DCC: variants seen among roughly 807,000 people sequenced by gnomAD.
DCC encodes netrin receptor DCC.
DCC carries 58 observed loss-of-function variants against 172.5 expected under a neutral mutation model. The ratio of observed to expected loss-of-function variants is 0.34; its 90% CI spans 0.27 to 0.42. The LOEUF (loss-of-function observed/expected upper bound fraction) is 0.42. DCC is among the 10% of genes least tolerant of loss of function. The pLI is 1.00. For missense variants in DCC, 1,740 were observed against 1,791.0 expected, an observed-to-expected ratio of 0.97 and a Z score of 0.51; for synonymous variants, 709 against 644.5, an observed-to-expected ratio of 1.10 and a Z score of -1.52.
chr18:52,754,896 A>G (rs1364311629), intron 2 of DCC, among the ~76,000 whole-genome samples: 1 of 152,024 alleles, frequency 6.6e-6, no homozygotes, highest in South Asian at 2.1e-4. Flanking sequence ...GATGCAGAAA[A>G]CCCCCTCTAC....
intron 7 of DCC, among the ~76,000 whole-genome samples, chr18:53,129,515 G>T (rs1265420527): frequency 6.6e-6 from 1 of 151,920 alleles, no homozygotes; most frequent in African/African-American, 2.4e-5. Context: ...ATACACCATT[G>T]TCTGATTTCT....
At chr18:52,657,165 G>A (rs2144938805) in intron 1 of DCC, among the ~76,000 whole-genome samples, 1 of 152,272 alleles carries the variant, frequency 6.6e-6, no homozygotes, top group East Asian at 1.9e-4. Context: ...TCTAAGCTCC[G>A]CACTTGATTC....
At chr18:53,515,367 C>G (rs894103508) in intron 27 of DCC, among the ~76,000 whole-genome samples, 2 of 150,774 alleles carry the variant, frequency 1.3e-5, no homozygotes, top group Non-Finnish European at 3.0e-5. Flanking sequence ...AAACTGGAAG[C>G]ATTCCCTTTG....
intron 7 of DCC, among the ~76,000 whole-genome samples, chr18:53,146,723 A>C (rs1024540154): frequency 9.2e-5 from 14 of 152,348 alleles, no homozygotes; most frequent in Middle Eastern, 3.4e-3. Context: ...ATTAGTGAAC[A>C]TAGGAATACC....
chr18:53,278,158 T>C (rs952770528), intron 12 of DCC, among the ~76,000 whole-genome samples: 4 of 152,130 alleles, frequency 2.6e-5, no homozygotes, highest in Non-Finnish European at 5.9e-5. Context: ...AGTATAAATT[T>C]GGCACAGTGT....
At chr18:52,757,495 C>G (rs1438720288) in intron 2 of DCC, among the ~76,000 whole-genome samples, 1 of 152,092 alleles carries the variant, frequency 6.6e-6, no homozygotes, top group African/African-American at 2.4e-5. Flanking sequence ...TTCCCCACAC[C>G]TACCCACCCA....
At chr18:53,525,892 T>TAAG (rs1227156133) in intron 27 of DCC, among the ~76,000 whole-genome samples, 8 of 152,106 alleles carry the variant, frequency 5.3e-5, no homozygotes, top group Admixed American at 3.9e-4. Flanking sequence ...TTTTCAGCTA[T>TAAG]AAGGTCAAGG....
intron 7 of DCC, among the ~76,000 whole-genome samples, chr18:53,087,257 G>A (rs1283557247): frequency 6.6e-6 from 1 of 151,624 alleles, no homozygotes; most frequent in African/African-American, 2.4e-5. Flanking sequence ...ATCCTCTCCA[G>A]CACCTGTTGT....
intron 7 of DCC, 102 bp from the exon 8 acceptor site, chr18:53,157,254 C>A: frequency 7.3e-7 from 1 of 1,379,268 alleles, no homozygotes; most frequent in Admixed American, 1.7e-5. Context: ...ATCAAGGTGA[C>A]TATGACATGG....
intron 3 of DCC, 76 bp from the exon 4 acceptor site, chr18:52,923,631 G>GA (rs548026342): frequency 5.8e-6 from 7 of 1,207,862 alleles, no homozygotes; most frequent in African/African-American, 1.5e-5. Context: ...CTTTTGTTAG[G>GA]AAAAAAATCA....
rs138884915 is a variant in DCC at position 52,848,676 on chromosome 18, A to G, written c.413-57368A>G. 4.6e-3 allele frequency among the ~76,000 whole-genome samples: 705 copies of G among 152,266 alleles called. 2 individuals carry two copies. The highest frequency in any genetic ancestry group is 0.016 in the African/African-American group (674 of 41,552). On this transcript the variant is annotated intron_variant, in intron 2 of 28. Transcript: ENST00000442544. ...TTATCCTGTCTTATTGATTGTAGTC[A>G]GGCTCTGACTTTACTAATATTTTTT...
At chr18:53,313,777 G>T (rs1310420658) in intron 13 of DCC, among the ~76,000 whole-genome samples, 1 of 152,084 alleles carries the variant, frequency 6.6e-6, no homozygotes, top group Non-Finnish European at 1.5e-5. Context: ...AGGGCATGTG[G>T]GCCTTTGAAG....
In DCC at chr18:53,063,593, A is replaced by G. The variant is rs896748414; in HGVS notation, c.1140+134A>G. ...GTGATGTGTTAAAAAAGTTATTCAA[A>G]TAAAGCAAATGATTTTCTAGACATA... is the stretch of plus-strand genomic sequence containing the variant. On this transcript the variant is annotated intron_variant, in intron 6 of 28. Coordinates refer to ENST00000442544, the MANE Select transcript of DCC (RefSeq NM_005215.4). 12 of 689,520 alleles carry G rather than the reference A, an allele frequency of 1.7e-5. No individual in the cohort carries two copies. The African/African-American group carries it at 2.0e-4, about 11-fold the overall frequency. 42.7% of individuals were successfully genotyped at this position (689,520 alleles called of 1,614,324 possible).
intron 7 of DCC, among the ~76,000 whole-genome samples, chr18:53,088,471 T>A (rs2042952357): frequency 1.3e-5 from 2 of 152,222 alleles, no homozygotes; most frequent in Non-Finnish European, 2.9e-5. Flanking sequence ...GAGACTTTGC[T>A]GAAGTTGCTT....
At chr18:52,498,257 T>C (rs1441905487) in intron 1 of DCC, among the ~76,000 whole-genome samples, 1 of 152,176 alleles carries the variant, frequency 6.6e-6, no homozygotes, top group African/African-American at 2.4e-5. Context: ...TTGACCTTTC[T>C]TGGGTTGCCC....
At chr18:52,650,879 T>C (rs1044437582) in intron 1 of DCC, among the ~76,000 whole-genome samples, 1 of 152,236 alleles carries the variant, frequency 6.6e-6, no homozygotes, top group African/African-American at 2.4e-5. Context: ...AAATAGAAGA[T>C]ATCTCTTATT....
At chr18:53,290,997 G>T (rs540604511) in intron 12 of DCC, among the ~76,000 whole-genome samples, 57 of 151,978 alleles carry the variant, frequency 3.8e-4, no homozygotes, top group African/African-American at 1.4e-3. Context: ...TGAAACCCCT[G>T]TCTCTACTAA....
chr18:53,459,697 T>A (rs1215930954), intron 24 of DCC, among the ~76,000 whole-genome samples: 2 of 152,198 alleles, frequency 1.3e-5, no homozygotes, highest in Non-Finnish European at 2.9e-5. Context: ...TTGAATTTTC[T>A]ATGAGGTTGG....
intron 1 of DCC, among the ~76,000 whole-genome samples, chr18:52,541,936 G>T (rs1365268748): frequency 7.8e-6 from 1 of 127,930 alleles, no homozygotes; most frequent in African/African-American, 2.8e-5. Context: ...AGAAGCAAAA[G>T]ACTTAGACTA....
Sources: allele counts gnomAD v4.1 joint callset (sites outside exome capture counted in the v4.1 genomes callset), GRCh38; gene constraint gnomAD v4.1.1; transcripts MANE v1.5; gene names NCBI Gene and HGNC (gene_info 2026-07-23, HGNC 2026-07-21).